The following SDCCAG8 variants were observed in gnomAD, a reference collection of about 807,000 sequenced individuals.
SDCCAG8 encodes SHH signaling and ciliogenesis regulator SDCCAG8, also known as serologically defined colon cancer antigen 8.
In SDCCAG8, 74 loss-of-function variants were observed where a neutral mutation model predicts 101.8. The observed-to-expected ratio is 0.73, with a 90% CI of 0.60 to 0.88. SDCCAG8 has a LOEUF of 0.88. Ranked by LOEUF, SDCCAG8 falls within the 40% of genes least tolerant of loss-of-function variation. The probability of loss-of-function intolerance (pLI) is 0.00; values close to 1 mark genes in which losing one functional copy is unlikely to be tolerated. For synonymous variants in SDCCAG8, 281 were observed against 292.9 expected, an observed-to-expected ratio of 0.96 and a Z score of 0.41; for missense variants, 787 against 822.6, an observed-to-expected ratio of 0.96 and a Z score of 0.53.
chr1:243,331,434 G>A (rs1485727320), intron 10 of SDCCAG8, among the ~76,000 whole-genome samples: 1 of 152,164 alleles, frequency 6.6e-6, no homozygotes, highest in African/African-American at 2.4e-5. Flanking sequence ...GATTCAATGT[G>A]TGATAATTAA....
chr1:243,360,403 C>T (rs1428422051), intron 12 of SDCCAG8, among the ~76,000 whole-genome samples: 3 of 152,040 alleles, frequency 2.0e-5, no homozygotes, highest in South Asian at 2.1e-4. Flanking sequence ...CTGCCCACTT[C>T]GGCCTCCCAA....
intron 6 of SDCCAG8, among the ~76,000 whole-genome samples, chr1:243,302,109 A>C (rs1449062866): frequency 6.6e-6 from 1 of 152,080 alleles, no homozygotes; most frequent in Non-Finnish European, 1.5e-5. Flanking sequence ...TTAGCTGGGC[A>C]TGATGTCACG....
chr1:243,328,960 GT>G (rs2074402351), intron 9 of SDCCAG8, among the ~76,000 whole-genome samples: 1 of 152,074 alleles, frequency 6.6e-6, no homozygotes, highest in Non-Finnish European at 1.5e-5. Context: ...GGATATATTG[GT>G]TTATATTAAG....
In SDCCAG8 at chr1:243,286,398, G is replaced by C; in HGVS notation, c.546+1G>C. The stretch of plus-strand genomic sequence containing the variant: ...GGAACAAACACTTCTGGATGCATCC[G>C]TGAGCATTATTTTAAATCATAAATT... On this transcript the variant is annotated splice_donor_variant, in intron 5 of 17. Coordinates refer to ENST00000366541, the MANE Select transcript of SDCCAG8 (RefSeq NM_006642.5). LOFTEE classifies it high-confidence loss of function. 1 of 1,613,860 alleles carries C rather than the reference G, an allele frequency of 6.2e-7. No individual in the cohort carries two copies. The highest frequency in any genetic ancestry group is 2.2e-5 in the East Asian group (1 of 44,882).
chr1:243,454,845 G>T (rs962003512), intron 16 of SDCCAG8, among the ~76,000 whole-genome samples: 3 of 152,112 alleles, frequency 2.0e-5, no homozygotes, highest in African/African-American at 4.8e-5. Context: ...CTCCACTGTG[G>T]TCGGTGTCTG....
intron 13 of SDCCAG8, among the ~76,000 whole-genome samples, chr1:243,394,168 T>C (rs959745774): frequency 1.3e-5 from 2 of 152,214 alleles, no homozygotes; most frequent in African/African-American, 4.8e-5. Flanking sequence ...AGAAGGTTTA[T>C]AACTTGGCTC....
In SDCCAG8 at chr1:243,324,406, AC is replaced by A. The variant is rs375135725; in HGVS notation, c.1069-6132del. On this transcript the variant is annotated intron_variant, in intron 9 of 17. Coordinates refer to ENST00000366541, the MANE Select transcript of SDCCAG8 (RefSeq NM_006642.5). Reference sequence around the variant, plus strand: ...GTCAAATTTCTATTTAACTATGCCTACCTTTTCATTCTTATACCACTGCCCT... The same window carrying A: ...GTCAAATTTCTATTTAACTATGCCTACTTTTCATTCTTATACCACTGCCCT... 4.3e-3 allele frequency among the ~76,000 whole-genome samples: 618 copies of A among 144,550 alleles called. 4 individuals are homozygous for A. The highest frequency in any genetic ancestry group is 0.015 in the African/African-American group (581 of 38,516). 94.8% of individuals were successfully genotyped at this position (144,550 alleles called of 152,430 possible).
intron 6 of SDCCAG8, among the ~76,000 whole-genome samples, chr1:243,295,053 G>A (rs191813090): frequency 6.5e-4 from 99 of 152,166 alleles, no homozygotes; most frequent in African/African-American, 2.3e-3. Context: ...TTGGGAAAGA[G>A]TATCCTTCTT....
At position 243,415,703 on chromosome 1, in the gene SDCCAG8, C is replaced by G. The variant is rs1558436419; in HGVS notation, c.1618C>G (p.Gln540Glu). The stretch of plus-strand genomic sequence containing the variant: ...GTATGTCTCCTCTCTGTTTTGCAGA[C>G]AGGAAAAAGATAGCATTCAGCAGAG... ...ESEHQLHLTR[Q>E]EKDSIQQSFS... is the part of the protein sequence containing the mutation. Residue 540 changes from glutamine to glutamate, a missense_variant and splice_region_variant, in exon 14 of 18, where the codon CAG (glutamine) becomes GAG (glutamate). By Grantham distance (29) the Gln-to-Glu change is conservative (BLOSUM62 2). Transcript: ENST00000366541. 6.2e-7 allele frequency: 1 copy of G among 1,613,684 alleles called. No homozygotes were observed. The highest frequency in any genetic ancestry group is 1.3e-5 in the African/African-American group (1 of 75,014).
At chr1:243,383,331 G>A (rs2078074984) in intron 13 of SDCCAG8, among the ~76,000 whole-genome samples, 1 of 152,128 alleles carries the variant, frequency 6.6e-6, no homozygotes, top group African/African-American at 2.4e-5. Context: ...GGCATTCTTT[G>A]CAACTTTTGA....
chr1:243,330,495 T>G (rs759350965), intron 9 of SDCCAG8, 45 bp from the exon 10 acceptor site: 11 of 1,606,530 alleles, frequency 6.8e-6, no homozygotes, highest in Non-Finnish European at 9.4e-6. Context: ...ACCTATATTT[T>G]TTCCAAATTC....
chr1:243,342,942 C>A (rs2075465826), intron 11 of SDCCAG8, among the ~76,000 whole-genome samples: 1 of 152,068 alleles, frequency 6.6e-6, no homozygotes, highest in Admixed American at 6.5e-5. Context: ...TTTAAAATTA[C>A]TTTTAAGGTT....
rs1661934344 is a variant in SDCCAG8 at position 243,474,436 on chromosome 1, C to T, written c.1986-14578C>T. 3.3e-5 allele frequency among the ~76,000 whole-genome samples: 5 copies of T among 152,060 alleles called. No homozygotes were observed. The South Asian group carries it at 8.4e-4, about 25-fold the overall frequency. ...GGTGCGGGCTCCAGGCCCTCTCGCG[C>T]GGCTTCGGGACTCGGCCGAGCCCGG... is the stretch of plus-strand genomic sequence containing the variant. On this transcript the variant is annotated intron_variant, in intron 16 of 17. Transcript: ENST00000366541. This position sits in a 1 kb window ranked among gnomAD's most constrained non-coding sequence, Gnocchi z 4.7.
chr1:243,296,941 C>CCT (rs373056497), intron 6 of SDCCAG8, among the ~76,000 whole-genome samples: 5 of 152,170 alleles, frequency 3.3e-5, no homozygotes, highest in African/African-American at 1.2e-4. Flanking sequence ...ATACCCTCCT[C>CCT]CTTTATATTT....
intron 16 of SDCCAG8, among the ~76,000 whole-genome samples, chr1:243,460,213 T>C (rs530959352): frequency 2.4e-4 from 36 of 152,356 alleles, no homozygotes; most frequent in African/African-American, 7.2e-4. Context: ...ATACATTATA[T>C]TATTTTTTGG....
At chr1:243,338,416 C>CT (rs2075159648) in intron 10 of SDCCAG8, among the ~76,000 whole-genome samples, 1 of 150,204 alleles carries the variant, frequency 6.7e-6, no homozygotes, top group Non-Finnish European at 1.5e-5. Context: ...TCCTCCCTTA[C>CT]TTTTCTTTTT....
chr1:243,269,803 A>G (rs891365892), intron 1 of SDCCAG8, among the ~76,000 whole-genome samples: 2 of 152,122 alleles, frequency 1.3e-5, no homozygotes, highest in African/African-American at 2.4e-5. Flanking sequence ...GTTATTGTTT[A>G]ATGGGAGCTG....
chr1:243,405,108 T>G (rs2079675570), intron 13 of SDCCAG8, among the ~76,000 whole-genome samples: 1 of 152,128 alleles, frequency 6.6e-6, no homozygotes, highest in Admixed American at 6.6e-5. Flanking sequence ...TCAGGTGATC[T>G]GCCTGCCTTG....
At chr1:243,267,783 A>G (rs1558206617) in intron 1 of SDCCAG8, 2 of 814,156 alleles carry the variant, frequency 2.5e-6, no homozygotes, top group Non-Finnish European at 4.5e-6. Context: ...TTCTGCCCCA[A>G]TTTCTCAATT....
Sources: allele counts gnomAD v4.1 joint callset (sites outside exome capture counted in the v4.1 genomes callset), GRCh38; gene constraint gnomAD v4.1.1; non-coding constraint Gnocchi (gnomAD v3.1); transcripts MANE v1.5; gene names NCBI Gene and HGNC (gene_info 2026-07-23, HGNC 2026-07-21).